FHDC1: variants seen among roughly 807,000 people sequenced by gnomAD.
The protein encoded by FHDC1 is FH2 domain-containing protein 1.
Under a neutral mutation model 52.6 loss-of-function variants are expected in FHDC1, and 25 were observed. The observed-to-expected ratio is 0.48, with a 90% CI of 0.35 to 0.66. The LOEUF is 0.66. Ranked by LOEUF, FHDC1 falls within the 30% of genes least tolerant of loss-of-function variation. FHDC1 has a pLI of 0.01. For missense variants in FHDC1, 1,459 were observed against 1,452.8 expected (o/e 1.00, Z -0.07); for synonymous variants, 616 against 581.5 (o/e 1.06, Z -0.85).
rs1740518119 is a variant in FHDC1 at position 152,968,049 on chromosome 4, C to T, written c.1170C>T (p.Asn390=). Residue 390 remains asparagine, a synonymous_variant, in exon 10 of 12, where the codon AAC becomes AAT. Transcript: ENST00000511601. ...TCAGGACAAAATCACTAAAAGAAAA[C>T]ATCCAGCGGGATGGTGAACTTTGTC... ...LFVRTKSLKE[N]IQRDGELCQQ... 1.9e-6 allele frequency: 3 copies of T among 1,613,886 alleles called. No individual in the cohort carries two copies. In the African/African-American group the frequency reaches 4.0e-5, roughly 22 times the overall value.
upstream of FHDC1, among the ~76,000 whole-genome samples, chr4:152,935,485 C>T (rs1042382296): frequency 2.6e-5 from 4 of 152,134 alleles, no homozygotes; most frequent in African/African-American, 9.7e-5. Context: ...TAAATCGATT[C>T]CCCTGTTTCT....
At chr4:152,945,355 G>C (rs1032656069) in intron 2 of FHDC1, among the ~76,000 whole-genome samples, 1 of 152,108 alleles carries the variant, frequency 6.6e-6, no homozygotes, top group Non-Finnish European at 1.5e-5. Flanking sequence ...TTACACTTTT[G>C]TCATTAACTT....
rs931968679 is a variant in FHDC1, at chr4:152,965,081, C to G, written c.1100+106C>G. The G allele has an allele frequency of 8.2e-6, 9 of 1,092,386 alleles. No homozygotes were observed. In the Admixed American group the frequency reaches 2.2e-4, roughly 26 times the overall value. The allele number at this position is 1,092,386 out of a possible 1,614,324, so 67.7% of individuals were successfully genotyped here. On this transcript the variant is annotated intron_variant, in intron 9 of 11. Coordinates refer to ENST00000511601, the MANE Select transcript of FHDC1 (RefSeq NM_001371116.1). The stretch of plus-strand genomic sequence containing the variant: ...GTTTGAAGTCTAAAAGGTTTTGTTT[C>G]ATTGAACTTTCAGACTGTCCTTCAT...
intron 2 of FHDC1, among the ~76,000 whole-genome samples, chr4:152,944,307 T>C (rs186795487): frequency 5.8e-4 from 88 of 151,950 alleles, no homozygotes; most frequent in South Asian, 2.7e-3. Context: ...ATTGTCAGTT[T>C]AGAAACTTGA....
Position 152,976,008 on chromosome 4 carries a change from T to C in FHDC1, c.2717T>C (p.Met906Thr). ...ASENESMRKV[M>T]PITKSSRGAG... Reference sequence around the variant, plus strand: ...GAGAACGAGAGCATGCGCAAGGTCATGCCCATCACCAAGTCCAGCAGAGGC... The same window carrying C: ...GAGAACGAGAGCATGCGCAAGGTCACGCCCATCACCAAGTCCAGCAGAGGC... The change falls in exon 12 of 12, where the codon ATG (methionine) becomes ACG (threonine). Residue 906 changes from methionine (M) to threonine (T), a missense_variant. Met to Thr is a moderately conservative substitution (Grantham distance 81). Coordinates refer to ENST00000511601, the MANE Select transcript of FHDC1 (RefSeq NM_001371116.1). The C allele has an allele frequency of 1.3e-6, 2 of 1,546,398 alleles. No individual in the cohort carries two copies. The highest frequency in any genetic ancestry group is 8.7e-7 in the Non-Finnish European group (1 of 1,150,510).
At chr4:152,934,177 G>A (rs966793858), upstream of FHDC1, among the ~76,000 whole-genome samples, 21 of 152,134 alleles carry the variant, frequency 1.4e-4, no homozygotes, top group African/African-American at 5.1e-4. Context: ...GATGGTGCAT[G>A]TGAAAAATAA....
At chr4:152,930,610 C>T in the FHDC1 span, among the ~76,000 whole-genome samples, 1 of 152,142 alleles carries the variant, frequency 6.6e-6, no homozygotes, top group Non-Finnish European at 1.5e-5. Flanking sequence ...TCTTTGTGTC[C>T]AAGGCCAGTC....
Position 152,976,883 on chromosome 4 carries a change from G to C in FHDC1, c.*160G>C. 1 of 919,090 alleles carries C rather than the reference G, an allele frequency of 1.1e-6. No homozygotes were observed. The highest frequency in any genetic ancestry group is 2.4e-5 in the South Asian group (1 of 41,282). The allele number at this position is 919,090 out of a possible 1,614,324, so 56.9% of individuals were successfully genotyped here. On this transcript the variant is annotated 3_prime_UTR_variant, in exon 12 of 12. Transcript: ENST00000511601. ...GGATGGCACAGTCCAGGAGGCCTGT[G>C]GACTGCAGCCTGCTGTGCTGAGCCC... is the stretch of plus-strand genomic sequence containing the variant.
At chr4:152,927,353 C>G in the FHDC1 span, 1 of 714,588 alleles carries the variant, frequency 1.4e-6, no homozygotes, top group Non-Finnish European at 2.5e-6. Flanking sequence ...GTTGTGGTTG[C>G]CAATTGTGAA....
rs1355415805 is a variant in FHDC1, at chr4:152,942,995, G to A, written c.-63G>A. 6.5e-7 allele frequency: 1 copy of A among 1,537,104 alleles called. No individual in the cohort carries two copies. Among genetic ancestry groups the A allele is most frequent in the Non-Finnish European group, 8.8e-7 (1 of 1,134,572 alleles). On this transcript the variant is annotated 5_prime_UTR_variant, in exon 2 of 12. Coordinates refer to ENST00000511601, the MANE Select transcript of FHDC1 (RefSeq NM_001371116.1). ...CAGCAGGTGAAAAAGTGCTACACAA[G>A]TTTGATGTTTGTGTCTTCTTCTCCA...
chr4:152,974,535 G>A (rs932397400), intron 11 of FHDC1, 140 bp from the exon 12 acceptor site: 10 of 1,288,696 alleles, frequency 7.8e-6, no homozygotes, highest in Non-Finnish European at 1.0e-5. Context: ...CACACACACA[G>A]CCTCTTTCTC....
the FHDC1 span, among the ~76,000 whole-genome samples, chr4:152,924,646 G>A: frequency 6.6e-6 from 1 of 152,098 alleles, no homozygotes; most frequent in African/African-American, 2.4e-5. Flanking sequence ...TTAAGAAAAT[G>A]TGGCACATAT....
At chr4:152,956,082 C>A (rs1191542912) in intron 4 of FHDC1, among the ~76,000 whole-genome samples, 1 of 152,212 alleles carries the variant, frequency 6.6e-6, no homozygotes, top group African/African-American at 2.4e-5. Context: ...ATAATTTACC[C>A]TGGATTGTAC....
intron 2 of FHDC1, among the ~76,000 whole-genome samples, chr4:152,951,249 A>G (rs1489668179): frequency 2.0e-5 from 3 of 152,198 alleles, no homozygotes; most frequent in Non-Finnish European, 4.4e-5. Context: ...TGGCCTTTTA[A>G]TTTATTAATT....
chr4:152,930,995 A>ACTCT, the FHDC1 span, among the ~76,000 whole-genome samples: 3 of 139,500 alleles, frequency 2.2e-5, no homozygotes, highest in Admixed American at 6.9e-5. Flanking sequence ...ACACACACAC[A>ACTCT]CACTCTCTCT....
chr4:152,942,459 C>T (rs1739599111), intron 1 of FHDC1, among the ~76,000 whole-genome samples: 1 of 152,124 alleles, frequency 6.6e-6, no homozygotes, highest in Non-Finnish European at 1.5e-5. Flanking sequence ...TCTTATCCGT[C>T]CAAGGTGCAA....
At position 152,977,014 on chromosome 4, in the gene FHDC1, G is replaced by A. The variant is rs6854393; in HGVS notation, c.*291G>A. ...AAGCCCGGATCCCGAGAAAGATTTAGTAGGAGTGTAAAGTGACATTCTTAT... is the reference window on the plus strand; with the variant it reads ...AAGCCCGGATCCCGAGAAAGATTTAATAGGAGTGTAAAGTGACATTCTTAT... On this transcript the variant is annotated 3_prime_UTR_variant, in exon 12 of 12. Coordinates refer to ENST00000511601, the MANE Select transcript of FHDC1 (RefSeq NM_001371116.1). 11,758 of 277,668 alleles carry A rather than the reference G, an allele frequency of 0.042. 991 individuals are homozygous for A. The highest frequency in any genetic ancestry group is 0.2 in the African/African-American group (9,018 of 44,342). 17.2% of individuals were successfully genotyped at this position (277,668 alleles called of 1,614,324 possible).
At chr4:152,948,021 T>A (rs1739786274) in intron 2 of FHDC1, among the ~76,000 whole-genome samples, 1 of 152,232 alleles carries the variant, frequency 6.6e-6, no homozygotes, top group South Asian at 2.1e-4. Context: ...TCAAATACAT[T>A]TGGGAAAAAA....
At position 152,976,601 on chromosome 4, in the gene FHDC1, G is replaced by C. The variant is rs1252158273; in HGVS notation, c.3310G>C (p.Gly1104Arg). ...CAAGAAGCGCCCAGAGTCTGCGGAGGGTCCCAGTGCCAACACGGAGGCCCC... is the reference window on the plus strand; with the variant it reads ...CAAGAAGCGCCCAGAGTCTGCGGAGCGTCCCAGTGCCAACACGGAGGCCCC... ...APKKRPESAE[G>R]PSANTEAPLK... Residue 1104 changes from glycine to arginine, a missense_variant, in exon 12 of 12, where the codon GGT becomes CGT. Transcript: ENST00000511601. The C allele has an allele frequency of 1.2e-5, 19 of 1,611,708 alleles. No individual in the cohort carries two copies. Among genetic ancestry groups the C allele is most frequent in the Non-Finnish European group, 1.6e-5 (19 of 1,179,298 alleles).
Sources: gnomAD v4.1 joint callset for allele counts (sites outside exome capture counted in the v4.1 genomes callset) on GRCh38, gnomAD v4.1.1 for gene constraint, MANE v1.5 for transcripts, NCBI Gene and HGNC (gene_info 2026-07-23, HGNC 2026-07-21) for gene names.